LTK: variants seen among roughly 807,000 people sequenced by gnomAD.
LTK encodes the protein leukocyte receptor tyrosine kinase, also known as leukocyte tyrosine kinase receptor.
A neutral mutation model predicts 101.5 loss-of-function variants in LTK; 117 were observed. The observed-to-expected ratio is 1.15, with a 90% CI of 0.99 to 1.34. LTK has a LOEUF of 1.34. Ranked by LOEUF, LTK falls within the 40% of genes most tolerant of loss-of-function variation. LTK has a pLI of 0.00. For missense variants in LTK, 1,252 were observed against 1,164.7 expected, an observed-to-expected ratio of 1.07 and a Z score of -1.09; for synonymous variants, 563 against 494.2, an observed-to-expected ratio of 1.14 and a Z score of -1.85.
chr15:41,507,287 T>A lies in LTK; in HGVS notation c.1349A>T (p.Lys450Met). Residue 450 changes from lysine to methionine, a missense_variant, in exon 11 of 20, where the codon AAG (lysine) becomes ATG (methionine). Transcript: ENST00000263800. ...LMVCGVLILVKQKKWQGLQEM... is the reference protein window; with the variant it reads ...LMVCGVLILVMQKKWQGLQEM... Reference sequence around the variant, plus strand: ...CTGCAGGCCCTGCCACTTCTTCTGCTTCACTGGGGGTGGGAAGAATAACGG... The same window carrying A: ...CTGCAGGCCCTGCCACTTCTTCTGCATCACTGGGGGTGGGAAGAATAACGG... The A allele has an allele frequency of 6.3e-7, 1 of 1,594,632 alleles. No individual in the cohort carries two copies. The highest frequency in any genetic ancestry group is 8.5e-7 in the Non-Finnish European group (1 of 1,170,926).
At chr15:41,504,453 A>G in intron 18 of LTK, 21 bp from the exon 19 acceptor site, 1 of 1,613,990 alleles carries the variant, frequency 6.2e-7, no homozygotes, top group Non-Finnish European at 8.5e-7. Flanking sequence ...GCAGGAGTTC[A>G]TGCCCACCCA....
rs769147411 is a variant in LTK at position 41,508,082 on chromosome 15, G to C, written c.1236C>G (p.Asn412Lys). The change falls in exon 9 of 20, where the codon AAC becomes AAG. Residue 412 changes from asparagine to lysine, a missense_variant. Coordinates refer to ENST00000263800, the MANE Select transcript of LTK (RefSeq NM_002344.6). ...GGTAGGACATACCCATGCAGGTGAC[G>C]TTATCCACAGCTAGCTCCATGCCTT... Reference protein sequence around the residue: ...CPEGMELAVDNVTCMDLHKPP... With the variant: ...CPEGMELAVDKVTCMDLHKPP... 8 of 1,606,754 alleles carry C rather than the reference G, an allele frequency of 5.0e-6. No individual in the cohort carries two copies. The highest frequency in any genetic ancestry group is 5.9e-6 in the Non-Finnish European group (7 of 1,176,550).
rs774074044 is a variant in LTK, at chr15:41,507,271, C to T, written c.1365G>A (p.Gln455=). 73 of 1,598,458 alleles carry T rather than the reference C, an allele frequency of 4.6e-5. No homozygotes were observed. The highest frequency in any genetic ancestry group is 6.1e-5 in the Non-Finnish European group (72 of 1,173,508). Residue 455 remains glutamine, a synonymous_variant, in exon 11 of 20, where the codon CAG becomes CAA. Transcript: ENST00000263800. ...VLILVKQKKW[Q]GLQEMRLPSP... is the part of the protein sequence containing the mutation. The stretch of plus-strand genomic sequence containing the variant: ...TCGGCAGCCTCATCTCCTGCAGGCC[C>T]TGCCACTTCTTCTGCTTCACTGGGG...
chr15:41,510,976 G>C (rs1260507335), intron 7 of LTK, among the ~76,000 whole-genome samples, 188 bp downstream of exon 7: 2 of 152,216 alleles, frequency 1.3e-5, no homozygotes, highest in Admixed American at 6.5e-5. Context: ...AGGGAGTCCT[G>C]TCTGCATGCT....
chr15:41,503,660 T>C lies in LTK; in HGVS notation c.*336A>G, dbSNP rs538024564. ...GCTGGAGGATGAGAAGAGCTTTTTA[T>C]TAGAAGCATCTGCAGGGTGGGGGGT... On this transcript the variant is annotated 3_prime_UTR_variant, in exon 20 of 20. Transcript: ENST00000263800. 40 of 597,012 alleles carry C rather than the reference T, an allele frequency of 6.7e-5. No homozygotes were observed. The East Asian group carries it at 1.6e-3, about 24-fold the overall frequency. 37.0% of individuals were successfully genotyped at this position (597,012 alleles called of 1,614,324 possible). A position where few individuals can be genotyped will look rare whatever the true frequency, so the allele number is the denominator to read the frequency against.
At position 41,509,127 on chromosome 15, in the gene LTK, C is replaced by T. The variant is rs745992520; in HGVS notation, c.1000G>A (p.Gly334Ser). 3.1e-6 allele frequency: 5 copies of T among 1,603,984 alleles called. No individual in the cohort carries two copies. Among genetic ancestry groups the T allele is most frequent in the Admixed American group, 1.7e-5 (1 of 59,968 alleles). Reference protein sequence around the residue: ...AGGGGGGYRGGDASETDNLWA... With the variant: ...AGGGGGGYRGSDASETDNLWA... ...AGGTTGTCAGTCTCTGAAGCGTCGCCCCCTGGAAGTGGAGAGTGATGGAGA... is the reference window on the plus strand; with the variant it reads ...AGGTTGTCAGTCTCTGAAGCGTCGCTCCCTGGAAGTGGAGAGTGATGGAGA... The change falls in exon 8 of 20, where the codon GGC becomes AGC. Residue 334 changes from glycine (G) to serine (S), a missense_variant and splice_region_variant. By Grantham distance (56) the Gly-to-Ser change is moderately conservative. Coordinates refer to ENST00000263800, the MANE Select transcript of LTK (RefSeq NM_002344.6).
In LTK at chr15:41,505,054, C is replaced by T. The variant is rs145997165; in HGVS notation, c.1936G>A (p.Ala646Thr). 3.0e-4 allele frequency: 485 copies of T among 1,612,696 alleles called. No individual in the cohort carries two copies. Among genetic ancestry groups the T allele is most frequent in the Non-Finnish European group, 3.6e-4 (430 of 1,179,318 alleles). Residue 646 changes from alanine (A) to threonine (T), a missense_variant, in exon 16 of 20, where the codon GCC becomes ACC. By Grantham distance (58) the Ala-to-Thr change is moderately conservative (BLOSUM62 0). Coordinates refer to ENST00000263800, the MANE Select transcript of LTK (RefSeq NM_002344.6). ...GCGCAGCTCAGCAGGCAGTTCCGGGCGGCAATATCCCTACAGAGTAGGCAA... is the reference window on the plus strand; with the variant it reads ...GCGCAGCTCAGCAGGCAGTTCCGGGTGGCAATATCCCTACAGAGTAGGCAA... Reference protein sequence around the residue: ...ENHFIHRDIAARNCLLSCAGP... With the variant: ...ENHFIHRDIATRNCLLSCAGP...
chr15:41,507,104 G>A lies in LTK; in HGVS notation c.1532C>T (p.Thr511Ile), dbSNP rs1435504412. The change falls in exon 11 of 20, where the codon ACT (threonine) becomes ATT (isoleucine). Residue 511 changes from threonine (T) to isoleucine (I), a missense_variant. Transcript: ENST00000263800. Reference protein sequence around the residue: ...GVTEVSPANVTLLRALGHGAF... With the variant: ...GVTEVSPANVILLRALGHGAF... ...GAGGCAGAAGACTTACCTGAGCAGAGTAACATTGGCTGGGGAAACCTCGGT... is the reference window on the plus strand; with the variant it reads ...GAGGCAGAAGACTTACCTGAGCAGAATAACATTGGCTGGGGAAACCTCGGT... 15 of 1,613,220 alleles carry A rather than the reference G, an allele frequency of 9.3e-6. No individual in the cohort carries two copies. The highest frequency in any genetic ancestry group is 1.2e-5 in the Non-Finnish European group (14 of 1,179,822).
chr15:41,508,990 GA>G (rs945876211), intron 8 of LTK, 40 bp downstream of exon 8: 1 of 1,409,296 alleles, frequency 7.1e-7, no homozygotes, highest in Admixed American at 1.9e-5. Context: ...GACTGCGGAA[GA>G]AGTCCAGGCC....
Position 41,505,290 on chromosome 15 carries a change from G to C in LTK, c.1843C>G (p.Leu615Val), listed in dbSNP as rs1160220717. 1.2e-5 allele frequency: 19 copies of C among 1,614,070 alleles called. No homozygotes were observed. The highest frequency in any genetic ancestry group is 1.5e-5 in the Non-Finnish European group (18 of 1,180,006). The change falls in exon 15 of 20, where the codon CTG becomes GTG. Residue 615 changes from leucine (L) to valine (V), a missense_variant. Coordinates refer to ENST00000263800, the MANE Select transcript of LTK (RefSeq NM_002344.6). ...SRPHLGQPSP[L>V]VMRDLLQLAQ... is the part of the protein sequence containing the mutation. Reference sequence around the variant, plus strand: ...AGTTGCAGCAGGTCCCGCATGACCAGAGGTGATGGCTGGCCCTGGGTCAGG... The same window carrying C: ...AGTTGCAGCAGGTCCCGCATGACCACAGGTGATGGCTGGCCCTGGGTCAGG...
At chr15:41,505,681 C>A in intron 13 of LTK, 32 bp downstream of exon 13, 1 of 1,612,888 alleles carries the variant, frequency 6.2e-7, no homozygotes, top group East Asian at 2.2e-5. Context: ...TCCCCTCCCG[C>A]CTTCCAGCCC....
At chr15:41,509,791 G>A (rs1200340) in intron 7 of LTK, among the ~76,000 whole-genome samples, 56,765 of 151,230 alleles carry the variant, frequency 0.38, 11,204 homozygotes, top group Admixed American at 0.44. Context: ...CCCGGGAGGC[G>A]GAGGTTGCAG....
chr15:41,507,977 A>G lies in LTK; in HGVS notation c.1249+92T>C, dbSNP rs527671246. On this transcript the variant is annotated intron_variant, in intron 9 of 19. Transcript: ENST00000263800. ...GCACCCACCACAGGGCCTGGCACAC[A>G]GCAAATCTCTATACCATCTTTCCCA... 7.9e-6 allele frequency: 11 copies of G among 1,389,370 alleles called. No homozygotes were observed. The Admixed American group carries it at 2.5e-4, about 32-fold the overall frequency. 86.1% of individuals were successfully genotyped at this position (1,389,370 alleles called of 1,614,324 possible).
chr15:41,513,245 G>A (rs1211060776), intron 1 of LTK, 125 bp from the exon 2 acceptor site: 2 of 1,188,618 alleles, frequency 1.7e-6, no homozygotes, highest in Admixed American at 3.3e-5. Context: ...GCCCAGCCGC[G>A]CTCTCAGCCT....
chr15:41,504,423 G>A lies in LTK; in HGVS notation c.2265C>T (p.Ile755=). 6.2e-7 allele frequency: 1 copy of A among 1,614,046 alleles called. No individual in the cohort carries two copies. Among genetic ancestry groups the A allele is most frequent in the East Asian group, 2.2e-5 (1 of 44,900 alleles). ...PRGCPGPVYR[I]MTQCWQHEPE... ...GCTCGTGCTGCCAACACTGGGTCAT[G>A]ATGCGGTACCTGGGGAGAGGCAGGA... The change falls in exon 19 of 20, where the codon ATC becomes ATT. Residue 755 remains isoleucine, a synonymous_variant. Coordinates refer to ENST00000263800, the MANE Select transcript of LTK (RefSeq NM_002344.6).
intron 1 of LTK, 65 bp from the exon 2 acceptor site, chr15:41,513,185 G>C: frequency 1.3e-6 from 2 of 1,503,758 alleles, no homozygotes; most frequent in Non-Finnish European, 1.8e-6. Context: ...GAAAGAAAGA[G>C]AGAACCCCGC....
In LTK at chr15:41,512,272, G is replaced by A; in HGVS notation, c.360-7C>T. ...GGCTCCGTAGGCTGAGATCCTGCGG[G>A]GAACGGACGGTGAGTCCCCGGCCTT... On this transcript the variant is annotated splice_region_variant and splice_polypyrimidine_tract_variant and intron_variant, in intron 3 of 19. Coordinates refer to ENST00000263800, the MANE Select transcript of LTK (RefSeq NM_002344.6). 6.2e-7 allele frequency: 1 copy of A among 1,610,170 alleles called. No homozygotes were observed. Among genetic ancestry groups the A allele is most frequent in the South Asian group, 1.1e-5 (1 of 90,776 alleles).
chr15:41,512,080 G>A (rs1237652238), intron 4 of LTK, 35 bp downstream of exon 4: 3 of 1,536,374 alleles, frequency 2.0e-6, no homozygotes, highest in Non-Finnish European at 1.8e-6. Context: ...CGCCCCCGGC[G>A]CCGGCGCCGC....
rs144319704 is a variant in LTK at position 41,505,926 on chromosome 15, C to T, written c.1621G>A (p.Val541Ile). The change falls in exon 12 of 20, where the codon GTA becomes ATA. Residue 541 changes from valine (V) to isoleucine (I), a missense_variant. Transcript: ENST00000263800. Reference protein sequence around the residue: ...GLPGDSSPLQVAIKTLPELCS... With the variant: ...GLPGDSSPLQIAIKTLPELCS... ...CCCACTCCTCTCACCTTGATAGCTACCTGCAGGGGACTGGAGTCCCCAGGA... is the reference window on the plus strand; with the variant it reads ...CCCACTCCTCTCACCTTGATAGCTATCTGCAGGGGACTGGAGTCCCCAGGA... The T allele has an allele frequency of 1.3e-3, 2,029 of 1,613,640 alleles. 1 individual carries two copies. The highest frequency in any genetic ancestry group is 1.3e-3 in the Middle Eastern group (8 of 6,062).
Sources: gnomAD v4.1 joint callset for allele counts (sites outside exome capture counted in the v4.1 genomes callset) on GRCh38, gnomAD v4.1.1 for gene constraint, MANE v1.5 for transcripts, NCBI Gene and HGNC (gene_info 2026-07-23, HGNC 2026-07-21) for gene names.